DAB2IP: variants seen among roughly 807,000 people sequenced by gnomAD.
DAB2IP encodes DAB2 interacting protein, also known as disabled homolog 2-interacting protein.
A neutral mutation model predicts 107.2 loss-of-function variants in DAB2IP; 28 were observed. That is an observed-to-expected ratio of 0.26 (90% confidence interval 0.19 to 0.36). The LOEUF (loss-of-function observed/expected upper bound fraction) is 0.36, where lower values mean the gene tolerates loss of function less well. DAB2IP is among the 10% of genes least tolerant of loss of function. The pLI is 1.00. For synonymous variants in DAB2IP, 755 were observed against 706.4 expected, an observed-to-expected ratio of 1.07 and a Z score of -1.09; for missense variants, 1,400 against 1,644.7, an observed-to-expected ratio of 0.85 and a Z score of 2.57.
intron 10 of DAB2IP, 61 bp downstream of exon 10, chr9:121,768,694 C>G: frequency 6.3e-7 from 1 of 1,596,126 alleles, no homozygotes; most frequent in South Asian, 1.1e-5. Flanking sequence ...TTAGTGTTCC[C>G]CCTTCCAGAG....
chr9:121,609,172 C>T (rs933612086), intron 1 of DAB2IP, among the ~76,000 whole-genome samples: 12 of 152,040 alleles, frequency 7.9e-5, no homozygotes, highest in Admixed American at 5.9e-4. Flanking sequence ...CTTGAACTCC[C>T]GACCTCAGGT....
chr9:121,703,730 T>G (rs1456766133), intron 3 of DAB2IP, among the ~76,000 whole-genome samples: 1 of 152,230 alleles, frequency 6.6e-6, no homozygotes. Context: ...GTTAGATTAA[T>G]ATGTCATAGG....
chr9:121,773,467 A>T, exon 12 of DAB2IP: 1 of 1,520,670 alleles, frequency 6.6e-7, no homozygotes, highest in Non-Finnish European at 8.8e-7. Flanking sequence ...GACAGCCCAG[A>T]ACTGAAGCCA....
At chr9:121,571,016 C>T (rs1271237032) in intron 1 of DAB2IP, among the ~76,000 whole-genome samples, 2 of 152,060 alleles carry the variant, frequency 1.3e-5, no homozygotes, top group African/African-American at 4.8e-5. Context: ...TCCCTCGCTT[C>T]CCGCCATCAG....
intron 3 of DAB2IP, among the ~76,000 whole-genome samples, chr9:121,741,393 C>G (rs1832331210): frequency 6.6e-6 from 1 of 152,204 alleles, no homozygotes; most frequent in Admixed American, 6.5e-5. Context: ...CAGGGCCCCT[C>G]CCGGAGAGGC....
upstream of DAB2IP, among the ~76,000 whole-genome samples, chr9:121,647,427 A>C (rs1393892928): frequency 6.6e-6 from 1 of 152,222 alleles, no homozygotes; most frequent in South Asian, 2.1e-4. Context: ...AGAGGGACTC[A>C]AGACTGCCTT....
Position 121,760,193 on chromosome 9 carries a change from G to A in DAB2IP, c.924G>A (p.Glu308=). Residue 308 remains glutamate (E), a synonymous_variant, in exon 6 of 16, where the codon GAG becomes GAA. Coordinates refer to ENST00000408936, the Ensembl canonical transcript of DAB2IP. This position sits in a 1 kb window ranked among gnomAD's most constrained non-coding sequence, Gnocchi z 5.9. ...CGGTGGCCGGGCGGCAGTTCGTGGA[G>A]AAGTGGTACCCGGTGGTGACGCCCA... 3 of 1,613,806 alleles carry A rather than the reference G, an allele frequency of 1.9e-6. No individual in the cohort carries two copies. In the East Asian group the frequency reaches 6.7e-5, roughly 36 times the overall value.
chr9:121,587,833 T>TGG (rs1383242883), intron 1 of DAB2IP, among the ~76,000 whole-genome samples: 4 of 152,030 alleles, frequency 2.6e-5, no homozygotes, highest in Non-Finnish European at 2.9e-5. Flanking sequence ...GGATAAAAAA[T>TGG]GGGTAGTTTT....
At chr9:121,586,805 G>GT (rs1275706430) in intron 1 of DAB2IP, among the ~76,000 whole-genome samples, 1 of 148,612 alleles carries the variant, frequency 6.7e-6, no homozygotes, top group Non-Finnish European at 1.5e-5. Context: ...GGGTGACAAA[G>GT]TAAAAAAAAA....
chr9:121,570,690 G>A (rs1003501857), intron 1 of DAB2IP, among the ~76,000 whole-genome samples: 6 of 151,970 alleles, frequency 3.9e-5, no homozygotes, highest in Admixed American at 1.3e-4. Context: ...CTGGACTACA[G>A]GCATGCACCA....
At chr9:121,741,979 A>G (rs745724614) in intron 3 of DAB2IP, among the ~76,000 whole-genome samples, 1 of 151,974 alleles carries the variant, frequency 6.6e-6, no homozygotes, top group Non-Finnish European at 1.5e-5. Context: ...CTGGCTTCAG[A>G]GCTCATTTTC....
At chr9:121,645,551 C>T (rs1277086558) in intron 1 of DAB2IP, among the ~76,000 whole-genome samples, 1 of 152,214 alleles carries the variant, frequency 6.6e-6, no homozygotes, top group African/African-American at 2.4e-5. Flanking sequence ...TCGCTCCCTC[C>T]CTTGGTCTCA....
At chr9:121,738,478 C>T (rs942401900) in intron 3 of DAB2IP, among the ~76,000 whole-genome samples, 3 of 152,108 alleles carry the variant, frequency 2.0e-5, no homozygotes, top group Non-Finnish European at 4.4e-5. Flanking sequence ...AGCCCTAAAA[C>T]ACAAATGTGT....
intron 1 of DAB2IP, among the ~76,000 whole-genome samples, chr9:121,627,168 C>A (rs368355733): frequency 6.8e-6 from 1 of 147,976 alleles, no homozygotes; most frequent in Non-Finnish European, 1.5e-5. Context: ...CACACACACA[C>A]AAGCATATGT....
chr9:121,638,054 G>C (rs909759064), intron 1 of DAB2IP, among the ~76,000 whole-genome samples: 3 of 152,118 alleles, frequency 2.0e-5, no homozygotes, highest in African/African-American at 7.2e-5. Context: ...CTGGGCACTG[G>C]GTTATGACCT....
intron 3 of DAB2IP, among the ~76,000 whole-genome samples, chr9:121,722,778 CT>C (rs1831012830): frequency 6.6e-6 from 1 of 152,136 alleles, no homozygotes; most frequent in Admixed American, 6.5e-5. Flanking sequence ...GAGTTTGAGT[CT>C]AGCCTGGGCA....
At chr9:121,567,944 C>G (rs905780484) in intron 1 of DAB2IP, among the ~76,000 whole-genome samples, 2 of 152,058 alleles carry the variant, frequency 1.3e-5, no homozygotes, top group African/African-American at 4.8e-5. Flanking sequence ...CTGGCTGTCT[C>G]TGGACAACCA....
Position 121,773,069 on chromosome 9 carries a change from C to T in DAB2IP, c.2541C>T (p.Gly847=), listed in dbSNP as rs552346658. 48 of 1,612,472 alleles carry T rather than the reference C, an allele frequency of 3.0e-5. 1 individual carries two copies. In the East Asian group the frequency reaches 4.5e-4, roughly 15 times the overall value. The stretch of plus-strand genomic sequence containing the variant: ...TGCCGCTGTCACCCCGTGGCCTTGG[C>T]GACTCAGGCTCTGAGGGCCACAGCT... The change falls in exon 12 of 16, where the codon GGC becomes GGT. Residue 847 remains glycine, a synonymous_variant. Coordinates refer to ENST00000408936, the Ensembl canonical transcript of DAB2IP.
At chr9:121,687,723 G>A (rs2118670044) in intron 2 of DAB2IP, among the ~76,000 whole-genome samples, 1 of 152,336 alleles carries the variant, frequency 6.6e-6, no homozygotes, top group South Asian at 2.1e-4. Flanking sequence ...TCGAGGCTCA[G>A]ATAACACAAA....
Sources: gnomAD v4.1 joint callset for allele counts (sites outside exome capture counted in the v4.1 genomes callset) on GRCh38, gnomAD v4.1.1 for gene constraint, Gnocchi (gnomAD v3.1) non-coding constraint, MANE v1.5 for transcripts, NCBI Gene and HGNC (gene_info 2026-07-23, HGNC 2026-07-21) for gene names.